KRT76: variants seen among roughly 807,000 people sequenced by gnomAD.
KRT76 encodes keratin 76, also known as keratin, type II cytoskeletal 2 oral.
In KRT76, 47 loss-of-function variants were observed where a neutral mutation model predicts 44.9. That is an observed-to-expected ratio of 1.05 (90% confidence interval 0.83 to 1.33). The LOEUF is 1.33. Among genes scored for constraint, KRT76 ranks in the 40% most tolerant of loss-of-function variants. KRT76 has a pLI of 0.00. For missense variants in KRT76, 860 were observed against 775.8 expected, an observed-to-expected ratio of 1.11 and a Z score of -1.29; for synonymous variants, 331 against 294.1, an observed-to-expected ratio of 1.13 and a Z score of -1.28.
At position 52,768,806 on chromosome 12, in the gene KRT76, A is replaced by G. The variant is rs767377946; in HGVS notation, c.1824T>C (p.Ser608=). Residue 608 remains serine, a synonymous_variant, in exon 9 of 9, where the codon TCT becomes TCC. Transcript: ENST00000332411. Reference sequence around the variant, plus strand: ...CACCAGACTTGTAGCCACTTCCTCCAGAAGTCTGGATGCTGCCAGAGCTGG... The same window carrying G: ...CACCAGACTTGTAGCCACTTCCTCCGGAAGTCTGGATGCTGCCAGAGCTGG... The part of the protein sequence containing the change: ...MGSSSGSIQT[S]GGSGYKSGGG... The G allele has an allele frequency of 4.6e-5, 75 of 1,613,856 alleles. No individual in the cohort carries two copies. Among genetic ancestry groups the G allele is most frequent in the African/African-American group, 8.0e-5 (6 of 74,894 alleles).
Position 52,769,669 on chromosome 12 carries a change from C to T in KRT76, c.1485-86G>A. 1.9e-5 allele frequency: 22 copies of T among 1,188,596 alleles called. 1 individual carries two copies. Among genetic ancestry groups the T allele is most frequent in the Middle Eastern group, 3.8e-4 (2 of 5,218 alleles). 73.6% of individuals were successfully genotyped at this position (1,188,596 alleles called of 1,614,324 possible). On this transcript the variant is annotated intron_variant, in intron 7 of 8. Coordinates refer to ENST00000332411, the MANE Select transcript of KRT76 (RefSeq NM_015848.4). ...AGTTCACAACTTTGGGAGCCACGCCCTCCCATTTGCCCCACTAGGGGTCAA... is the reference window on the plus strand; with the variant it reads ...AGTTCACAACTTTGGGAGCCACGCCTTCCCATTTGCCCCACTAGGGGTCAA...
Position 52,777,009 on chromosome 12 carries a change from C to T in KRT76, c.283G>A (p.Gly95Arg). The T allele has an allele frequency of 6.2e-7, 1 of 1,614,062 alleles. No homozygotes were observed. Among genetic ancestry groups the T allele is most frequent in the Admixed American group, 1.7e-5 (1 of 60,028 alleles). The change falls in exon 1 of 9, where the codon GGA (glycine) becomes AGA (arginine). Residue 95 changes from glycine (G) to arginine (R), a missense_variant. Coordinates refer to ENST00000332411, the MANE Select transcript of KRT76 (RefSeq NM_015848.4). ...RSSCGFAGGY[G>R]GGFGGSYGGG... is the part of the protein sequence containing the mutation. Reference sequence around the variant, plus strand: ...CCATAGCTGCCCCCAAAGCCACCTCCATAGCCACCTGCAAAGCCACAGCTG... The same window carrying T: ...CCATAGCTGCCCCCAAAGCCACCTCTATAGCCACCTGCAAAGCCACAGCTG...
chr12:52,774,052 G>A (rs556399597), intron 2 of KRT76, among the ~76,000 whole-genome samples: 92 of 152,184 alleles, frequency 6.0e-4, no homozygotes, highest in African/African-American at 2.0e-3. Flanking sequence ...GGCTGGTCTC[G>A]AACTGTTGGG....
At chr12:52,769,756 G>A (rs1485148965) in intron 7 of KRT76, among the ~76,000 whole-genome samples, 173 bp from the exon 8 acceptor site, 4 of 152,128 alleles carry the variant, frequency 2.6e-5, no homozygotes, top group African/African-American at 9.7e-5. Flanking sequence ...CCCAGAAAAG[G>A]GGGCTGCTTC....
In KRT76 at chr12:52,769,632, CA is replaced by C. The variant is rs746614561; in HGVS notation, c.1485-50del. On this transcript the variant is annotated intron_variant, in intron 7 of 8. Transcript: ENST00000332411. Reference sequence around the variant, plus strand: ...ATTCTTTCTGTTATGAGTCAATAACCAAAGAGTTGAGAGTTCACAACTTTGG... The same window carrying C: ...ATTCTTTCTGTTATGAGTCAATAACCAAGAGTTGAGAGTTCACAACTTTGG... The C allele has an allele frequency of 1.4e-5, 22 of 1,557,810 alleles. No individual in the cohort carries two copies. The East Asian group carries it at 4.3e-4, about 30-fold the overall frequency.
intron 2 of KRT76, among the ~76,000 whole-genome samples, chr12:52,774,879 G>A (rs1361614306): frequency 1.3e-5 from 2 of 152,300 alleles, no homozygotes; most frequent in African/African-American, 2.4e-5. Flanking sequence ...GAACGTGGAG[G>A]AGGAGGCAAA....
chr12:52,769,547 A>G lies in KRT76; in HGVS notation c.1519+2T>C, dbSNP rs1939147239. ...AGAGGGTTTTTTGAATGGGCTACTTACAAATGCACACGGCACTCTGACATT... is the reference window on the plus strand; with the variant it reads ...AGAGGGTTTTTTGAATGGGCTACTTGCAAATGCACACGGCACTCTGACATT... On this transcript the variant is annotated splice_donor_variant, in intron 8 of 8. Transcript: ENST00000332411. LOFTEE classifies it high-confidence loss of function. The G allele has an allele frequency of 6.2e-7, 1 of 1,613,702 alleles. No homozygotes were observed. The highest frequency in any genetic ancestry group is 8.5e-7 in the Non-Finnish European group (1 of 1,179,582).
intron 1 of KRT76, among the ~76,000 whole-genome samples, chr12:52,776,067 CA>C (rs1223969829): frequency 6.7e-6 from 1 of 150,266 alleles, no homozygotes; most frequent in Non-Finnish European, 1.5e-5. Flanking sequence ...GCAGTGAATA[CA>C]GTCAATGAGG....
intron 2 of KRT76, 69 bp from the exon 3 acceptor site, chr12:52,773,711 A>G: frequency 1.5e-6 from 2 of 1,340,098 alleles, no homozygotes; most frequent in Non-Finnish European, 2.1e-6. Flanking sequence ...TGAGGATTCC[A>G]GGCACTCTCC....
Position 52,776,861 on chromosome 12 carries a change from C to G in KRT76, c.431G>C (p.Gly144Ala). ...AGGAAAGCCCCCAGGGCCAAAGCCACCAGGACCACCAAAGCTGCCAGGCCC... is the reference window on the plus strand; with the variant it reads ...AGGAAAGCCCCCAGGGCCAAAGCCAGCAGGACCACCAAAGCTGCCAGGCCC... Reference protein sequence around the residue: ...FGGPGSFGGPGGFGPGGFPGG... With the variant: ...FGGPGSFGGPAGFGPGGFPGG... The change falls in exon 1 of 9, where the codon GGT becomes GCT. Residue 144 changes from glycine to alanine, a missense_variant. Transcript: ENST00000332411. 3.7e-6 allele frequency: 6 copies of G among 1,612,988 alleles called. No homozygotes were observed. Among genetic ancestry groups the G allele is most frequent in the Non-Finnish European group, 5.1e-6 (6 of 1,179,416 alleles).
Position 52,768,944 on chromosome 12 carries a change from G to C in KRT76, c.1686C>G (p.Val562=). The change falls in exon 9 of 9, where the codon GTC becomes GTG. Residue 562 remains valine, a synonymous_variant. Coordinates refer to ENST00000332411, the MANE Select transcript of KRT76 (RefSeq NM_015848.4). ...CCCTGCCCCCAGTGCTGCCACTGCT[G>C]ACCCCTCCATAGCCACTGCCGCTGC... is the stretch of plus-strand genomic sequence containing the variant. ...SGGSGSGYGG[V]SSGSTGGRGS... is the part of the protein sequence containing the mutation. The C allele has an allele frequency of 4.8e-6, 7 of 1,470,976 alleles. No homozygotes were observed. Among genetic ancestry groups the C allele is most frequent in the Non-Finnish European group, 6.6e-6 (7 of 1,060,282 alleles). The allele number at this position is 1,470,976 out of a possible 1,614,324, so 91.1% of individuals were successfully genotyped here.
At chr12:52,772,926 CA>C in intron 3 of KRT76, 48 bp from the exon 4 acceptor site, 1 of 1,342,216 alleles carries the variant, frequency 7.5e-7, no homozygotes. Flanking sequence ...GTTCCCCTCC[CA>C]CCCAGTGGCT....
chr12:52,768,543 CCCT>C lies in KRT76; in HGVS notation c.*167_*169del. The stretch of plus-strand genomic sequence containing the variant: ...CAGACCAGCAGCAGGACCTCCATGG[CCCT>C]GGGAAGGTCATGGGGATGGAGAAAC... On this transcript the variant is annotated 3_prime_UTR_variant, in exon 9 of 9. Coordinates refer to ENST00000332411, the MANE Select transcript of KRT76 (RefSeq NM_015848.4). 4 of 731,376 alleles carry C rather than the reference CCCT, an allele frequency of 5.5e-6. No individual in the cohort carries two copies. The highest frequency in any genetic ancestry group is 9.0e-6 in the Non-Finnish European group (4 of 443,824). 45.3% of individuals were successfully genotyped at this position (731,376 alleles called of 1,614,324 possible).
rs746371345 is a variant in KRT76 at position 52,768,842 on chromosome 12, A to G, written c.1788T>C (p.Ser596=). ...GGAGSISVSH[S]GMGSSSGSIQ... is the part of the protein sequence containing the mutation. ...TGCTGCCAGAGCTGGAGCCCATTCC[A>G]CTGTGGCTCACGGAGATGCTACCTG... The change falls in exon 9 of 9, where the codon AGT becomes AGC. Residue 596 remains serine (S), a synonymous_variant. Coordinates refer to ENST00000332411, the MANE Select transcript of KRT76 (RefSeq NM_015848.4). The G allele has an allele frequency of 3.1e-6, 5 of 1,613,722 alleles. No homozygotes were observed. Among genetic ancestry groups the G allele is most frequent in the African/African-American group, 1.3e-5 (1 of 74,852 alleles).
Position 52,771,008 on chromosome 12 carries a change from T to C in KRT76, c.1475A>G (p.Glu492Gly). 6.2e-7 allele frequency: 1 copy of C among 1,614,072 alleles called. No individual in the cohort carries two copies. The highest frequency in any genetic ancestry group is 8.5e-7 in the Non-Finnish European group (1 of 1,180,024). The stretch of plus-strand genomic sequence containing the variant: ...TCCCATGGCCCCTCACCTGCACTCC[T>C]CTCCCTCCAGCAGCTTGCGGTAGGT... The part of the protein sequence containing the change: ...IATYRKLLEG[E>G]ECRMSGECQS... Residue 492 changes from glutamate to glycine, a missense_variant, in exon 7 of 9, where the codon GAG becomes GGG. By Grantham distance (98) the Glu-to-Gly change is moderately conservative. Transcript: ENST00000332411.
At chr12:52,773,509 C>T in intron 3 of KRT76, 73 bp downstream of exon 3, 1 of 1,066,482 alleles carries the variant, frequency 9.4e-7, no homozygotes, top group African/African-American at 1.5e-5. Context: ...CCCAGAACAG[C>T]TGGCTGTGCA....
At chr12:52,772,364 T>A in intron 4 of KRT76, 106 bp from the exon 5 acceptor site, 1 of 1,156,316 alleles carries the variant, frequency 8.6e-7, no homozygotes, top group Non-Finnish European at 1.2e-6. Flanking sequence ...GGTGGATCAG[T>A]TGGAAAAATA....
intron 6 of KRT76, 95 bp downstream of exon 6, chr12:52,771,776 G>A: frequency 7.0e-7 from 1 of 1,430,462 alleles, no homozygotes. Flanking sequence ...ACCATGAAAG[G>A]ATGGAGAGAG....
At chr12:52,771,410 G>A (rs1383420887) in intron 6 of KRT76, among the ~76,000 whole-genome samples, 191 bp from the exon 7 acceptor site, 2 of 152,140 alleles carry the variant, frequency 1.3e-5, no homozygotes, top group Non-Finnish European at 2.9e-5. Context: ...ATCAACTTGC[G>A]GCTCATCAAG....
Sources: allele counts gnomAD v4.1 joint callset (sites outside exome capture counted in the v4.1 genomes callset), GRCh38; gene constraint gnomAD v4.1.1; transcripts MANE v1.5; gene names NCBI Gene and HGNC (gene_info 2026-07-23, HGNC 2026-07-21).